Variants in TTLL13 observed in about 807,000 individuals in gnomAD.
TTLL13 encodes the protein tubulin polyglutamylase TTLL13.
At chr15:90,258,788 G>A in the TTLL13 span, 1 of 1,614,184 alleles carries the variant, frequency 6.2e-7, no homozygotes, top group Non-Finnish European at 8.5e-7. Flanking sequence ...CCTTGATCAA[G>A]AAGTAAAGGA....
the TTLL13 span, chr15:90,253,316 G>C: frequency 6.2e-7 from 1 of 1,613,740 alleles, no homozygotes; most frequent in Non-Finnish European, 8.5e-7. Context: ...CTCTGTACTG[G>C]ACAGACTGCG....
the TTLL13 span, chr15:90,263,344 T>C: frequency 1.8e-6 from 1 of 546,516 alleles, no homozygotes; most frequent in Non-Finnish European, 3.2e-6. Flanking sequence ...TTGTTTTAGA[T>C]ATGACATCCA....
At chr15:90,259,034 C>CTT in the TTLL13 span, 1 of 1,580,820 alleles carries the variant, frequency 6.3e-7, no homozygotes. Context: ...TCAAAAACAA[C>CTT]TTTTTGCATA....
the TTLL13 span, chr15:90,262,421 C>T: frequency 7.2e-7 from 1 of 1,396,942 alleles, no homozygotes; most frequent in Non-Finnish European, 9.4e-7. Context: ...CTTTCCTCAT[C>T]CCCATTTTTC....
the TTLL13 span, chr15:90,263,146 G>A: frequency 1.3e-6 from 2 of 1,522,056 alleles, no homozygotes; most frequent in African/African-American, 1.4e-5. Context: ...TGAGAGTCGG[G>A]TGAGGGTCCC....
chr15:90,262,605 C>A, the TTLL13 span: 6 of 1,533,576 alleles, frequency 3.9e-6, no homozygotes, highest in Non-Finnish European at 3.5e-6. Context: ...AAAAGCCGAC[C>A]CAGGGCAGGG....
the TTLL13 span, chr15:90,250,494 G>A: frequency 9.2e-7 from 1 of 1,083,102 alleles, no homozygotes. Context: ...GTTTTGTCCT[G>A]AAGGGGCAGC....
At chr15:90,250,163 T>C in the TTLL13 span, among the ~76,000 whole-genome samples, 1 of 152,004 alleles carries the variant, frequency 6.6e-6, no homozygotes, top group South Asian at 2.1e-4. Flanking sequence ...TTCACCGTGC[T>C]AGCCAGGCTG....
chr15:90,260,159 T>C, the TTLL13 span, among the ~76,000 whole-genome samples: 3 of 152,186 alleles, frequency 2.0e-5, no homozygotes, highest in Non-Finnish European at 4.4e-5. Context: ...CTGGACTAAA[T>C]AAACAAAATA....
the TTLL13 span, chr15:90,258,181 A>C: frequency 6.2e-7 from 1 of 1,614,120 alleles, no homozygotes; most frequent in African/African-American, 1.3e-5. Flanking sequence ...TGTTTTCCCC[A>C]GTATCTGAAT....
chr15:90,253,498 C>A, the TTLL13 span: 1 of 523,346 alleles, frequency 1.9e-6, no homozygotes, highest in Non-Finnish European at 3.4e-6. Flanking sequence ...AAGACCACCC[C>A]CAGGGTCTTC....
chr15:90,263,365 G>C, the TTLL13 span: 1 of 521,252 alleles, frequency 1.9e-6, no homozygotes. Flanking sequence ...GCAAGTTGCA[G>C]CTCCAAACCT....
At chr15:90,257,799 G>C in the TTLL13 span, 1 of 1,417,682 alleles carries the variant, frequency 7.1e-7, no homozygotes, top group Non-Finnish European at 9.9e-7. Flanking sequence ...AACCAAGCTG[G>C]CTCTTGGGAG....
chr15:90,260,036 G>A, the TTLL13 span, among the ~76,000 whole-genome samples: 24 of 152,214 alleles, frequency 1.6e-4, no homozygotes, highest in African/African-American at 5.5e-4. Flanking sequence ...ATGTCTGCGT[G>A]ATGAATGGGA....
the TTLL13 span, chr15:90,262,003 C>T: frequency 2.6e-6 from 4 of 1,529,636 alleles, no homozygotes; most frequent in Non-Finnish European, 3.5e-6. Flanking sequence ...TTGCTTTCCA[C>T]AGGAAAGAAA....
chr15:90,250,551 A>C, the TTLL13 span: 18 of 1,514,560 alleles, frequency 1.2e-5, no homozygotes, highest in Non-Finnish European at 1.6e-5. Flanking sequence ...GGATTCCTTC[A>C]GGCCTTCTAG....
chr15:90,258,395 C>A, the TTLL13 span: 2 of 811,924 alleles, frequency 2.5e-6, no homozygotes, highest in South Asian at 1.6e-5. Flanking sequence ...CTGGGGTGGG[C>A]AGGAATGAGC....
chr15:90,257,731 T>C, the TTLL13 span: 2 of 1,612,928 alleles, frequency 1.2e-6, no homozygotes, highest in Middle Eastern at 1.7e-4. Context: ...AGGTACTCCC[T>C]ACTCTGTTTT....
chr15:90,256,781 C>T, the TTLL13 span, among the ~76,000 whole-genome samples: 12 of 152,040 alleles, frequency 7.9e-5, no homozygotes, highest in East Asian at 1.9e-3. Flanking sequence ...CTCCGCCTCC[C>T]GGGTTCAAGC....
Sources: gnomAD v4.1 joint callset for allele counts (sites outside exome capture counted in the v4.1 genomes callset) on GRCh38, gnomAD v4.1.1 for gene constraint, MANE v1.5 for transcripts, NCBI Gene and HGNC (gene_info 2026-07-23, HGNC 2026-07-21) for gene names.